Variants in GRIK2 observed in about 807,000 individuals in gnomAD.
The protein encoded by GRIK2 is glutamate ionotropic receptor kainate type subunit 2.
A neutral mutation model predicts 100.3 loss-of-function variants in GRIK2; 32 were observed. The observed-to-expected ratio is 0.32, with a 90% CI of 0.24 to 0.43. The LOEUF (loss-of-function observed/expected upper bound fraction) is 0.43. Among genes scored for constraint, GRIK2 ranks in the 20% least tolerant of loss-of-function variants. The probability of loss-of-function intolerance (pLI) is 1.00; values close to 1 mark genes in which losing one functional copy is unlikely to be tolerated. For missense variants in GRIK2, 843 were observed against 1,114.9 expected, an observed-to-expected ratio of 0.76 and a Z score of 3.47; for synonymous variants, 417 against 389.4, an observed-to-expected ratio of 1.07 and a Z score of -0.83.
At chr6:101,989,160 ATATT>A (rs1794219642) in intron 14 of GRIK2, among the ~76,000 whole-genome samples, 1 of 152,040 alleles carries the variant, frequency 6.6e-6, no homozygotes, top group African/African-American at 2.4e-5. Context: ...TTGTAAATAA[ATATT>A]TATTGACATA....
intron 7 of GRIK2, among the ~76,000 whole-genome samples, chr6:101,697,294 A>G (rs529700951): frequency 2.0e-5 from 3 of 151,928 alleles, no homozygotes; most frequent in African/African-American, 7.2e-5. Flanking sequence ...AGCATTAATT[A>G]TCATCTGTTG....
At chr6:101,856,386 A>G (rs148663999) in intron 10 of GRIK2, among the ~76,000 whole-genome samples, 28 of 152,334 alleles carry the variant, frequency 1.8e-4, no homozygotes, top group African/African-American at 6.0e-4. Context: ...TATAATGTCT[A>G]TGAGACATAA....
At chr6:101,878,929 A>C (rs1786057236) in intron 11 of GRIK2, among the ~76,000 whole-genome samples, 1 of 152,052 alleles carries the variant, frequency 6.6e-6, no homozygotes, top group African/African-American at 2.4e-5. Flanking sequence ...AAATCTTAGT[A>C]GTTTATACCT....
At chr6:101,584,854 T>C (rs1778276640) in intron 2 of GRIK2, among the ~76,000 whole-genome samples, 1 of 151,696 alleles carries the variant, frequency 6.6e-6, no homozygotes, top group Admixed American at 6.6e-5. Flanking sequence ...AATGCAAAAA[T>C]GCAAGATTAC....
chr6:101,989,440 T>A (rs1483790663), intron 14 of GRIK2, among the ~76,000 whole-genome samples: 2 of 151,788 alleles, frequency 1.3e-5, no homozygotes, highest in Non-Finnish European at 2.9e-5. Flanking sequence ...CTTGCCCGGA[T>A]AAAGCATTAG....
intron 2 of GRIK2, among the ~76,000 whole-genome samples, chr6:101,520,038 A>G (rs1774802027): frequency 6.6e-6 from 1 of 152,162 alleles, no homozygotes; most frequent in South Asian, 2.1e-4. Context: ...ACTGGAAGAC[A>G]TAGATTGTCT....
At chr6:102,044,499 A>G (rs1770773424) in intron 15 of GRIK2, among the ~76,000 whole-genome samples, 2 of 152,014 alleles carry the variant, frequency 1.3e-5, no homozygotes, top group South Asian at 2.1e-4. Context: ...GAATTATTAC[A>G]TGCTGGCAGC....
chr6:101,911,854 T>C lies in GRIK2; in HGVS notation c.1749-12747T>C, dbSNP rs144091638. 6.9e-4 allele frequency among the ~76,000 whole-genome samples: 104 copies of C among 151,636 alleles called. 1 individual carries two copies. Among genetic ancestry groups the C allele is most frequent in the African/African-American group, 2.4e-3 (99 of 41,470 alleles). On this transcript the variant is annotated intron_variant, in intron 12 of 16. Transcript: ENST00000369134. Reference sequence around the variant, plus strand: ...CACACACATAATTTAAGTATGTAAGTTGAAAATCATGAGCTTTAATTGCAT... The same window carrying C: ...CACACACATAATTTAAGTATGTAAGCTGAAAATCATGAGCTTTAATTGCAT...
intron 2 of GRIK2, among the ~76,000 whole-genome samples, chr6:101,574,428 T>C (rs1334932940): frequency 6.7e-6 from 1 of 149,850 alleles, no homozygotes; most frequent in Non-Finnish European, 1.5e-5. Flanking sequence ...GTTATGTATG[T>C]ATATATATTT....
At chr6:101,882,804 A>G (rs184011209) in intron 11 of GRIK2, among the ~76,000 whole-genome samples, 74 of 152,248 alleles carry the variant, frequency 4.9e-4, no homozygotes, top group African/African-American at 1.6e-3. Flanking sequence ...TAATTTTTTT[A>G]TATTTTAAAC....
chr6:101,929,070 G>A (rs998575770), intron 14 of GRIK2, among the ~76,000 whole-genome samples: 2 of 152,128 alleles, frequency 1.3e-5, no homozygotes, highest in East Asian at 1.9e-4. Context: ...TTTAAGGGCT[G>A]AAAATACAGA....
chr6:101,742,251 A>C (rs1422935518), intron 7 of GRIK2, among the ~76,000 whole-genome samples: 7 of 152,196 alleles, frequency 4.6e-5, no homozygotes, highest in African/African-American at 1.4e-4. Flanking sequence ...TTTGCAGCAG[A>C]GAAAGAGTTT....
intron 2 of GRIK2, among the ~76,000 whole-genome samples, chr6:101,613,227 A>G (rs1412414611): frequency 3.3e-5 from 5 of 151,740 alleles, no homozygotes; most frequent in Non-Finnish European, 7.4e-5. Flanking sequence ...AATAATTAAG[A>G]AGACCATTAC....
At chr6:101,551,299 G>T (rs1404218923) in intron 2 of GRIK2, among the ~76,000 whole-genome samples, 1 of 152,084 alleles carries the variant, frequency 6.6e-6, no homozygotes, top group Non-Finnish European at 1.5e-5. Context: ...GTGATATCCT[G>T]GTTCTAAAGG....
At chr6:101,772,790 A>G (rs1324056806) in intron 7 of GRIK2, among the ~76,000 whole-genome samples, 2 of 151,926 alleles carry the variant, frequency 1.3e-5, no homozygotes, top group Non-Finnish European at 2.9e-5. Flanking sequence ...TCTAACATTA[A>G]TAGATAGGAA....
At chr6:102,061,873 A>G (rs1038540366) in intron 16 of GRIK2, among the ~76,000 whole-genome samples, 2 of 150,378 alleles carry the variant, frequency 1.3e-5, no homozygotes, top group Non-Finnish European at 3.0e-5. Flanking sequence ...TTATGAAAAG[A>G]AAGTTTTCTA....
chr6:101,656,767 A>T (rs1202379106), intron 4 of GRIK2, among the ~76,000 whole-genome samples: 1 of 152,242 alleles, frequency 6.6e-6, no homozygotes, highest in African/African-American at 2.4e-5. Flanking sequence ...GAAAATGTCC[A>T]TCAGAAAGAG....
intron 2 of GRIK2, among the ~76,000 whole-genome samples, chr6:101,616,200 C>T (rs1200383372): frequency 1.3e-5 from 2 of 151,800 alleles, no homozygotes; most frequent in Non-Finnish European, 1.5e-5. Flanking sequence ...ATAAATGAAG[C>T]AAAGACACAA....
chr6:101,596,119 A>C (rs963491883), intron 2 of GRIK2, among the ~76,000 whole-genome samples: 1 of 151,020 alleles, frequency 6.6e-6, no homozygotes, highest in Non-Finnish European at 1.5e-5. Flanking sequence ...TCAGGCATTC[A>C]TATTTTCACA....
Sources: allele counts gnomAD v4.1 joint callset (sites outside exome capture counted in the v4.1 genomes callset), GRCh38; gene constraint gnomAD v4.1.1; transcripts MANE v1.5; gene names NCBI Gene and HGNC (gene_info 2026-07-23, HGNC 2026-07-21).